SEMA6D: variants seen among roughly 807,000 people sequenced by gnomAD.
SEMA6D encodes semaphorin-6D.
In SEMA6D, 35 loss-of-function variants were observed where a neutral mutation model predicts 106.6. That is an observed-to-expected ratio of 0.33 (90% CI 0.25 to 0.44). SEMA6D has a LOEUF of 0.44. SEMA6D is among the 20% of genes least tolerant of loss of function. The pLI is 1.00. For synonymous variants in SEMA6D, 499 were observed against 487.7 expected, an observed-to-expected ratio of 1.02 and a Z score of -0.31; for missense variants, 1,185 against 1,345.9, an observed-to-expected ratio of 0.88 and a Z score of 1.87.
At chr15:47,276,221 T>C (rs2034806514) in intron 1 of SEMA6D, among the ~76,000 whole-genome samples, 3 of 152,138 alleles carry the variant, frequency 2.0e-5, no homozygotes. Context: ...CAAATGCCCA[T>C]GGAGAAACAT....
Position 47,630,541 on chromosome 15 carries a change from T to C in SEMA6D, c.-55+29645T>C, listed in dbSNP as rs140539406. Among the ~76,000 whole-genome samples the C allele has an allele frequency of 4.0e-3, 613 of 151,848 alleles. 4 individuals carry two copies. The highest frequency in any genetic ancestry group is 0.014 in the African/African-American group (589 of 41,536). ...TGAAGACAATTACATCATCTGTAAATAGGGACAGTGTTATTTCTTCCTTTC... is the reference window on the plus strand; with the variant it reads ...TGAAGACAATTACATCATCTGTAAACAGGGACAGTGTTATTTCTTCCTTTC... On this transcript the variant is annotated intron_variant, in intron 4 of 19. Coordinates refer to the SEMA6D transcript ENST00000558014.
At chr15:47,677,712 G>A (rs1420975396) in intron 4 of SEMA6D, among the ~76,000 whole-genome samples, 3 of 152,200 alleles carry the variant, frequency 2.0e-5, no homozygotes, top group Admixed American at 6.5e-5. Flanking sequence ...ACTTTTTACA[G>A]TCATTCACAT....
chr15:47,485,446 G>A (rs188334138), intron 3 of SEMA6D, among the ~76,000 whole-genome samples: 46 of 152,034 alleles, frequency 3.0e-4, no homozygotes, highest in Non-Finnish European at 5.3e-4. Context: ...AAAAAATGAA[G>A]ATCACCAGGA....
At chr15:47,582,496 C>T (rs2076271640) in intron 3 of SEMA6D, among the ~76,000 whole-genome samples, 1 of 152,178 alleles carries the variant, frequency 6.6e-6, no homozygotes, top group South Asian at 2.1e-4. Context: ...TTCTGCTCTA[C>T]ACTAAGCAAA....
chr15:47,456,419 A>C (rs2042347708), intron 2 of SEMA6D, among the ~76,000 whole-genome samples: 1 of 152,036 alleles, frequency 6.6e-6, no homozygotes, highest in African/African-American at 2.4e-5. Context: ...TCACCAAAAA[A>C]ATATTTTAAT....
At chr15:47,476,827 G>C (rs910696158) in intron 3 of SEMA6D, among the ~76,000 whole-genome samples, 4 of 152,058 alleles carry the variant, frequency 2.6e-5, no homozygotes, top group Non-Finnish European at 5.9e-5. Context: ...TAGCACCCCT[G>C]TACTTCCCTC....
intron 2 of SEMA6D, among the ~76,000 whole-genome samples, chr15:47,434,931 C>T (rs2041653541): frequency 6.6e-6 from 1 of 152,148 alleles, no homozygotes; most frequent in Admixed American, 6.6e-5. Context: ...TCAGAAACAA[C>T]ACACACTCAC....
rs573123292 is a variant in SEMA6D at position 47,551,783 on chromosome 15, A to G, written c.-86-49082A>G. On this transcript the variant is annotated intron_variant, in intron 3 of 19. Coordinates refer to the SEMA6D transcript ENST00000558014. ...CCAAAAGGACTTCAACCAGGGCCAGAGATTCAGAGCCATAGTAAATGCTTT... is the reference window on the plus strand; with the variant it reads ...CCAAAAGGACTTCAACCAGGGCCAGGGATTCAGAGCCATAGTAAATGCTTT... 7.2e-5 allele frequency among the ~76,000 whole-genome samples: 11 copies of G among 152,136 alleles called. No individual in the cohort carries two copies. In the South Asian group the frequency reaches 2.3e-3, roughly 32 times the overall value.
At position 47,408,975 on chromosome 15, in the gene SEMA6D, G is replaced by A. The variant is rs577921125; in HGVS notation, c.-238-3418G>A. ...GACTCCGTCTGTTTTGTTGCCAGTT[G>A]TACTTACTGAATGTTGAACTTTGGA... On this transcript the variant is annotated intron_variant, in intron 1 of 19. Transcript: ENST00000558014. Among the ~76,000 whole-genome samples the A allele has an allele frequency of 3.9e-5, 6 of 152,284 alleles. No individual in the cohort carries two copies. The South Asian group carries it at 6.2e-4, about 16-fold the overall frequency.
intron 4 of SEMA6D, among the ~76,000 whole-genome samples, chr15:47,637,556 T>C (rs749447152): frequency 2.0e-5 from 3 of 152,196 alleles, no homozygotes; most frequent in Non-Finnish European, 4.4e-5. Flanking sequence ...TAACCTTCTG[T>C]GCTCAGCATC....
chr15:47,237,393 C>T (rs190199412), intron 1 of SEMA6D, among the ~76,000 whole-genome samples: 21 of 152,156 alleles, frequency 1.4e-4, no homozygotes, highest in South Asian at 8.3e-4. Context: ...TATTTTGCCA[C>T]GTTGGAAATG....
At chr15:47,676,398 G>T (rs2078246503) in intron 4 of SEMA6D, among the ~76,000 whole-genome samples, 1 of 152,158 alleles carries the variant, frequency 6.6e-6, no homozygotes, top group Non-Finnish European at 1.5e-5. Context: ...AAAAGGTCTT[G>T]CTTCTTGGCT....
At chr15:47,411,531 C>G (rs1244424245) in intron 1 of SEMA6D, among the ~76,000 whole-genome samples, 5 of 152,132 alleles carry the variant, frequency 3.3e-5, no homozygotes, top group South Asian at 2.1e-4. Flanking sequence ...CTCTTAGCAT[C>G]AAACAAGCTA....
intron 1 of SEMA6D, among the ~76,000 whole-genome samples, chr15:47,727,269 G>T (rs1318075096): frequency 2.0e-5 from 3 of 152,188 alleles, no homozygotes; most frequent in Admixed American, 6.5e-5. Context: ...ATCATATAGG[G>T]TTAAAATGCA....
intron 3 of SEMA6D, among the ~76,000 whole-genome samples, chr15:47,470,805 A>T (rs2042813353): frequency 6.6e-6 from 1 of 152,302 alleles, no homozygotes; most frequent in South Asian, 2.1e-4. Flanking sequence ...TTTAGAAAAA[A>T]ATATAATAGG....
chr15:47,389,238 A>G (rs1238927557), intron 1 of SEMA6D, among the ~76,000 whole-genome samples: 1 of 152,242 alleles, frequency 6.6e-6, no homozygotes, highest in South Asian at 2.1e-4. Context: ...TAGTTAATGC[A>G]TATATAAAGT....
chr15:47,442,519 GTCTC>G (rs2041912109), intron 2 of SEMA6D, among the ~76,000 whole-genome samples: 1 of 152,088 alleles, frequency 6.6e-6, no homozygotes, highest in East Asian at 1.9e-4. Context: ...GATTCCATGG[GTCTC>G]TCTCTTTCCT....
intron 1 of SEMA6D, among the ~76,000 whole-genome samples, chr15:47,371,807 G>C (rs983181323): frequency 1.3e-5 from 2 of 152,112 alleles, no homozygotes; most frequent in African/African-American, 4.8e-5. Context: ...GATCATCATA[G>C]AAAATATTTA....
chr15:47,306,274 C>T (rs112996438), intron 1 of SEMA6D, among the ~76,000 whole-genome samples: 9,032 of 152,034 alleles, frequency 0.059, 765 homozygotes, highest in African/African-American at 0.19. Flanking sequence ...TGAGCCACCG[C>T]GCCTGGCCCA....
Sources: allele counts gnomAD v4.1 joint callset (sites outside exome capture counted in the v4.1 genomes callset), GRCh38; gene constraint gnomAD v4.1.1; transcripts MANE v1.5; gene names NCBI Gene and HGNC (gene_info 2026-07-23, HGNC 2026-07-21).